HS6ST2: variants seen among roughly 807,000 people sequenced by gnomAD.
HS6ST2 encodes the protein heparan-sulfate 6-O-sulfotransferase 2.
Under a neutral mutation model 33.0 loss-of-function variants are expected in HS6ST2, and 17 were observed. The observed-to-expected ratio is 0.52, with a 90% confidence interval of 0.35 to 0.77. HS6ST2 has a LOEUF of 0.77. HS6ST2 is among the 30% of genes least tolerant of loss of function. The pLI, the probability that HS6ST2 is intolerant of heterozygous loss-of-function variation, is 0.01. For missense variants in HS6ST2, 519 were observed against 551.7 expected, an observed-to-expected ratio of 0.94 and a Z score of 0.59; for synonymous variants, 248 against 237.1, an observed-to-expected ratio of 1.05 and a Z score of -0.42.
At chrX:132,862,379 G>A (rs1245120031) in intron 2 of HS6ST2, among the ~76,000 whole-genome samples, 2 of 111,899 alleles carry the variant, frequency 1.8e-5, no homozygotes, top group Admixed American at 9.5e-5. Context: ...AAAAGAGCAG[G>A]CACAGTCTAA....
chrX:132,687,502 G>T (rs1234519712), intron 3 of HS6ST2, among the ~76,000 whole-genome samples: 2 of 110,595 alleles, frequency 1.8e-5, no homozygotes, highest in African/African-American at 3.3e-5. Context: ...TCTTTCAGCC[G>T]CTGGGGGAGG....
chrX:132,946,368 C>T (rs113415548), intron 2 of HS6ST2, among the ~76,000 whole-genome samples: 10,598 of 111,709 alleles, frequency 0.095, 529 homozygotes, highest in Middle Eastern at 0.16. Flanking sequence ...GGAACCAACC[C>T]AAATGTCCAT....
At chrX:132,947,680 A>T (rs2066971699) in intron 2 of HS6ST2, among the ~76,000 whole-genome samples, 1 of 111,916 alleles carries the variant, frequency 8.9e-6, no homozygotes, top group African/African-American at 3.2e-5. Context: ...TCTTATACAC[A>T]GCATATAGCT....
intron 2 of HS6ST2, among the ~76,000 whole-genome samples, chrX:132,915,248 G>A (rs959641643): frequency 2.7e-5 from 3 of 111,834 alleles, no homozygotes; most frequent in Non-Finnish European, 5.6e-5. Flanking sequence ...GCCATCCTCA[G>A]GGCTCAGGGC....
intron 2 of HS6ST2, among the ~76,000 whole-genome samples, chrX:132,936,487 G>A (rs1053092097): frequency 8.9e-5 from 10 of 111,907 alleles, no homozygotes; most frequent in African/African-American, 2.9e-4. Context: ...TGAGACTAGT[G>A]TTACTCTAAT....
chrX:132,700,173 G>A (rs1260144852), intron 3 of HS6ST2, among the ~76,000 whole-genome samples: 4 of 111,888 alleles, frequency 3.6e-5, no homozygotes, highest in African/African-American at 1.3e-4. Context: ...TGCCGTTTAC[G>A]GATGGTTTGT....
intron 2 of HS6ST2, among the ~76,000 whole-genome samples, chrX:132,764,988 A>G (rs1045546788): frequency 2.7e-4 from 30 of 112,031 alleles, no homozygotes; most frequent in Non-Finnish European, 3.6e-4. Context: ...GGTCTTGAGT[A>G]TTTCATTTGA....
chrX:132,702,117 T>C lies in HS6ST2; in HGVS notation c.980+6345A>G, dbSNP rs1337303275. 8.0e-5 allele frequency among the ~76,000 whole-genome samples: 9 copies of C among 112,450 alleles called. No homozygotes were observed. In the South Asian group the frequency reaches 1.9e-3, roughly 23 times the overall value. On this transcript the variant is annotated intron_variant, in intron 3 of 4. Transcript: ENST00000370833. ...GGAAAATGTTCCTGCATATCCACTT[T>C]ACAAAATTAAACAGCATATTGAAAA... is the stretch of plus-strand genomic sequence containing the variant.
At position 132,771,998 on chromosome X, in the gene HS6ST2, T is replaced by A. The variant is rs7878720; in HGVS notation, c.948-63504A>T. On this transcript the variant is annotated intron_variant, in intron 2 of 4. Coordinates refer to ENST00000370833, the MANE Select transcript of HS6ST2 (RefSeq NM_001394073.1). ...TTTCAGAAAAGCAATTAGCATGAAA[T>A]GTTACTTATGGTGTCTTAAACTATG... Among the ~76,000 whole-genome samples the A allele has an allele frequency of 3.3e-3, 374 of 111,651 alleles. 2 individuals are homozygous for A. The highest frequency in any genetic ancestry group is 0.011 in the African/African-American group (351 of 30,801).
At chrX:132,796,728 C>A (rs773962926) in intron 2 of HS6ST2, among the ~76,000 whole-genome samples, 3 of 112,065 alleles carry the variant, frequency 2.7e-5, no homozygotes, top group Admixed American at 9.5e-5. Context: ...TACTTTCAAC[C>A]ATTCCCCTCA....
At chrX:132,709,098 C>T (rs1244464931) in intron 2 of HS6ST2, among the ~76,000 whole-genome samples, 1 of 112,245 alleles carries the variant, frequency 8.9e-6, no homozygotes, top group Non-Finnish European at 1.9e-5. Flanking sequence ...TAAGCAATGT[C>T]TCCCCATTCA....
rs372183954 is a variant in HS6ST2 at position 132,854,004 on chromosome X, C to T, written c.947+102804G>A. 1.1e-4 allele frequency among the ~76,000 whole-genome samples: 12 copies of T among 110,294 alleles called. No individual in the cohort carries two copies. In the East Asian group the frequency reaches 2.6e-3, roughly 24 times the overall value. On this transcript the variant is annotated intron_variant, in intron 2 of 4. Coordinates refer to ENST00000370833, the MANE Select transcript of HS6ST2 (RefSeq NM_001394073.1). ...GCAGTGGTGATCACACCACTGCACT[C>T]CAGCTCAGGTGACAGTGAGACCCTG...
intron 2 of HS6ST2, among the ~76,000 whole-genome samples, chrX:132,945,165 AC>A (rs1451684844): frequency 5.3e-5 from 6 of 112,314 alleles, no homozygotes; most frequent in African/African-American, 1.9e-4. Flanking sequence ...CAAGAAAAAA[AC>A]AAACAAACCC....
rs149822928 is a variant in HS6ST2 at position 132,903,903 on chromosome X, T to C, written c.947+52905A>G. On this transcript the variant is annotated intron_variant, in intron 2 of 4. Coordinates refer to ENST00000370833, the MANE Select transcript of HS6ST2 (RefSeq NM_001394073.1). ...TGCAGTAATTGATATGCTCATTTTATAGATTAGTCATAGCATACATACAAT... is the reference window on the plus strand; with the variant it reads ...TGCAGTAATTGATATGCTCATTTTACAGATTAGTCATAGCATACATACAAT... 7.7e-4 allele frequency among the ~76,000 whole-genome samples: 86 copies of C among 112,370 alleles called. No homozygotes were observed. In the East Asian group the frequency reaches 0.019, roughly 24 times the overall value.
At chrX:132,647,071 A>G (rs1254308582) in intron 4 of HS6ST2, among the ~76,000 whole-genome samples, 2 of 111,474 alleles carry the variant, frequency 1.8e-5, no homozygotes. Flanking sequence ...GTGGGGACAC[A>G]GCCAAACCAT....
chrX:132,703,631 T>C (rs1201740623), intron 3 of HS6ST2, among the ~76,000 whole-genome samples: 1 of 112,450 alleles, frequency 8.9e-6, no homozygotes, highest in Non-Finnish European at 1.9e-5. Context: ...GAGTTGTCTA[T>C]TCCTTTACTC....
chrX:132,662,435 A>T (rs1225561986), intron 4 of HS6ST2, among the ~76,000 whole-genome samples: 3 of 112,444 alleles, frequency 2.7e-5, no homozygotes, highest in Non-Finnish European at 5.6e-5. Flanking sequence ...GAGCTCTGCT[A>T]GAGCAATATA....
Position 132,956,977 on chromosome X carries a change from C to T in HS6ST2, c.778G>A (p.Val260Met). The T allele has an allele frequency of 8.3e-7, 1 of 1,210,775 alleles. No individual in the cohort carries two copies. The highest frequency in any genetic ancestry group is 1.1e-6 in the Non-Finnish European group (1 of 894,918). ...IQLEQPCECR[V>M]GQKKCTCHRP... ...TGGCAAGTGCATTTCTTCTGACCCACGCGGCACTCGCACGGCTGCTCCAGC... is the reference window on the plus strand; with the variant it reads ...TGGCAAGTGCATTTCTTCTGACCCATGCGGCACTCGCACGGCTGCTCCAGC... The change falls in exon 2 of 5, where the codon GTG becomes ATG. Residue 260 changes from valine to methionine, a missense_variant. By Grantham distance (21) the Val-to-Met change is conservative. Coordinates refer to ENST00000370833, the MANE Select transcript of HS6ST2 (RefSeq NM_001394073.1).
chrX:132,642,633 T>A lies in HS6ST2; in HGVS notation c.1068-13540A>T, dbSNP rs187794617. ...GGCTACATGTGTGGGGAAATAAGCA[T>A]TCTATACAGTAACAGGCACAGCCTT... On this transcript the variant is annotated intron_variant, in intron 4 of 4. Transcript: ENST00000370833. 5.4e-5 allele frequency among the ~76,000 whole-genome samples: 6 copies of A among 111,513 alleles called. No individual in the cohort carries two copies. The East Asian group carries it at 1.7e-3, about 32-fold the overall frequency.
Sources: allele counts gnomAD v4.1 joint callset (sites outside exome capture counted in the v4.1 genomes callset), GRCh38; gene constraint gnomAD v4.1.1; transcripts MANE v1.5; gene names NCBI Gene and HGNC (gene_info 2026-07-23, HGNC 2026-07-21).